The following MCC variants were observed in gnomAD, a reference collection of about 807,000 sequenced individuals.
The protein encoded by MCC is MCC regulator of Wnt signaling pathway, also known as colorectal mutant cancer protein.
MCC carries 90 observed loss-of-function variants against 116.2 expected under a neutral mutation model. The observed-to-expected ratio is 0.77, with a 90% CI of 0.65 to 0.92. The LOEUF (loss-of-function observed/expected upper bound fraction) is 0.92, where lower values mean the gene tolerates loss of function less well. Among genes scored for constraint, MCC ranks in the 40% least tolerant of loss-of-function variants. MCC has a pLI of 0.00. For synonymous variants in MCC, 578 were observed against 510.5 expected (o/e 1.13, Z -1.78); for missense variants, 1,516 against 1,312.2 (o/e 1.16, Z -2.40).
At chr5:113,370,526 C>T (rs936129561) in intron 2 of MCC, among the ~76,000 whole-genome samples, 5 of 152,164 alleles carry the variant, frequency 3.3e-5, no homozygotes, top group Admixed American at 3.3e-4. Flanking sequence ...AGTCTGATTC[C>T]TCTTTTTCTA....
At chr5:113,080,985 T>G (rs1481801404) in intron 11 of MCC, among the ~76,000 whole-genome samples, 1 of 152,190 alleles carries the variant, frequency 6.6e-6, no homozygotes, top group African/African-American at 2.4e-5. Context: ...TCTGTTTTAC[T>G]TTGCTTTGCA....
chr5:113,403,783 T>C (rs1375131419), intron 1 of MCC, among the ~76,000 whole-genome samples: 4 of 152,184 alleles, frequency 2.6e-5, no homozygotes, highest in African/African-American at 7.2e-5. Flanking sequence ...GAGGTCCAGT[T>C]AGTGGAGCGG....
chr5:113,047,697 A>G (rs567617248), intron 16 of MCC, among the ~76,000 whole-genome samples: 61 of 152,314 alleles, frequency 4.0e-4, no homozygotes, highest in African/African-American at 1.4e-3. Context: ...TTTATTAAGA[A>G]CAGAAAAATA....
At position 113,401,639 on chromosome 5, in the gene MCC, T is replaced by C. The variant is rs568929758; in HGVS notation, c.171-16427A>G. 1.4e-4 allele frequency among the ~76,000 whole-genome samples: 21 copies of C among 152,266 alleles called. No individual in the cohort carries two copies. The East Asian group carries it at 3.9e-3, about 28-fold the overall frequency. ...GCTCACACAGTTAGGGACTGTTGCATTCATACTGAGAATAGATGTTCCCAA... is the reference window on the plus strand; with the variant it reads ...GCTCACACAGTTAGGGACTGTTGCACTCATACTGAGAATAGATGTTCCCAA... On this transcript the variant is annotated intron_variant, in intron 1 of 18. Coordinates refer to ENST00000408903, the MANE Select transcript of MCC (RefSeq NM_001085377.2).
chr5:113,226,414 A>G (rs1763741973), intron 3 of MCC, among the ~76,000 whole-genome samples: 1 of 152,258 alleles, frequency 6.6e-6, no homozygotes, highest in Non-Finnish European at 1.5e-5. Flanking sequence ...ATCAATGAAC[A>G]TATCTGCACA....
intron 3 of MCC, among the ~76,000 whole-genome samples, chr5:113,211,402 A>T (rs570436306): frequency 6.6e-6 from 1 of 152,346 alleles, no homozygotes; most frequent in Non-Finnish European, 1.5e-5. Context: ...AGACTAAGAC[A>T]TGTAGCATTG....
At chr5:113,417,808 A>G (rs999287916) in intron 1 of MCC, among the ~76,000 whole-genome samples, 2 of 152,126 alleles carry the variant, frequency 1.3e-5, no homozygotes, top group Non-Finnish European at 2.9e-5. Flanking sequence ...ACACGCCTGT[A>G]GTCCTAGCTA....
At chr5:113,211,849 T>G (rs1763147052) in intron 3 of MCC, among the ~76,000 whole-genome samples, 1 of 152,184 alleles carries the variant, frequency 6.6e-6, no homozygotes, top group African/African-American at 2.4e-5. Context: ...ACATGAAAAC[T>G]CTAACATTTT....
At chr5:113,149,573 C>A (rs1581161299) in intron 4 of MCC, among the ~76,000 whole-genome samples, 1 of 152,132 alleles carries the variant, frequency 6.6e-6, no homozygotes, top group South Asian at 2.1e-4. Flanking sequence ...TACAGAGAAT[C>A]CTTTCCCTCT....
chr5:113,193,048 C>A (rs117158017), intron 3 of MCC, among the ~76,000 whole-genome samples: 2 of 152,200 alleles, frequency 1.3e-5, no homozygotes, highest in African/African-American at 4.8e-5. Context: ...TTCCTCAGCT[C>A]TTCCTATTCT....
intron 3 of MCC, among the ~76,000 whole-genome samples, chr5:113,238,594 A>G (rs1764237715): frequency 6.6e-6 from 1 of 152,238 alleles, no homozygotes; most frequent in South Asian, 2.1e-4. Flanking sequence ...GTTGTATACA[A>G]TTCAAAAATG....
At chr5:113,070,965 C>A in intron 12 of MCC, 129 bp downstream of exon 12, 1 of 955,558 alleles carries the variant, frequency 1.0e-6, no homozygotes. Flanking sequence ...CTGTCCAAAC[C>A]GCCAGATATG....
At chr5:113,375,854 T>C (rs1393452624) in intron 2 of MCC, among the ~76,000 whole-genome samples, 1 of 152,146 alleles carries the variant, frequency 6.6e-6, no homozygotes, top group East Asian at 1.9e-4. Context: ...AAGGCCACCC[T>C]AGATTTAAGG....
chr5:113,429,964 T>C (rs981514169), intron 1 of MCC, among the ~76,000 whole-genome samples: 6 of 152,138 alleles, frequency 3.9e-5, no homozygotes, highest in African/African-American at 9.7e-5. Context: ...AGGCCTGAAA[T>C]GCAATCACAA....
intron 1 of MCC, among the ~76,000 whole-genome samples, chr5:113,440,813 GATT>G (rs1465338785): frequency 2.0e-5 from 3 of 152,100 alleles, no homozygotes; most frequent in African/African-American, 7.2e-5. Context: ...AGAAATCGGG[GATT>G]ATATCAGAAG....
intron 5 of MCC, among the ~76,000 whole-genome samples, chr5:113,138,421 T>C (rs1343330748): frequency 6.6e-6 from 1 of 152,170 alleles, no homozygotes; most frequent in Admixed American, 6.5e-5. Flanking sequence ...GGGGTCCTCA[T>C]GATGGGACTG....
intron 3 of MCC, among the ~76,000 whole-genome samples, chr5:113,315,926 GA>G (rs1185967629): frequency 6.6e-6 from 1 of 151,450 alleles, no homozygotes; most frequent in African/African-American, 2.4e-5. Flanking sequence ...TTCTTCTTTC[GA>G]AGTGCCCAAA....
At chr5:113,064,835 A>C (rs1469810378) in intron 13 of MCC, among the ~76,000 whole-genome samples, 1 of 152,198 alleles carries the variant, frequency 6.6e-6, no homozygotes, top group African/African-American at 2.4e-5. Context: ...TCCCTGCCCA[A>C]AATGTTCACA....
intron 3 of MCC, among the ~76,000 whole-genome samples, chr5:113,272,450 A>G (rs1442379304): frequency 2.6e-5 from 4 of 152,224 alleles, no homozygotes; most frequent in Admixed American, 6.5e-5. Context: ...TGACAGATCT[A>G]AATAAAAAAA....
Sources: allele counts gnomAD v4.1 joint callset (sites outside exome capture counted in the v4.1 genomes callset), GRCh38; gene constraint gnomAD v4.1.1; transcripts MANE v1.5; gene names NCBI Gene and HGNC (gene_info 2026-07-23, HGNC 2026-07-21).